Variants in TGIF1 observed in about 807,000 individuals in gnomAD.
TGIF1 encodes TGFB induced factor homeobox 1, also known as homeobox protein TGIF1.
A neutral mutation model predicts 19.3 loss-of-function variants in TGIF1; 4 were observed. That is an observed-to-expected ratio of 0.21 (90% CI 0.10 to 0.47). TGIF1 has a LOEUF of 0.47. TGIF1 is among the 20% of genes least tolerant of loss of function. TGIF1 has a pLI of 0.98. For synonymous variants in TGIF1, 122 were observed against 129.3 expected (o/e 0.94, Z 0.38); for missense variants, 275 against 341.4 (o/e 0.81, Z 1.53).
chr18:3,450,578 C>A, intron 1 of TGIF1, 73 bp downstream of exon 1: 2 of 1,548,858 alleles, frequency 1.3e-6, no homozygotes, highest in Non-Finnish European at 1.7e-6. Flanking sequence ...CCGCGCCGCG[C>A]GGAGTCACTT....
Position 3,456,067 on chromosome 18 carries a change from A to T in TGIF1, c.17-287A>T, listed in dbSNP as rs933847717. On this transcript the variant is annotated intron_variant, in intron 1 of 2. Transcript: ENST00000343820. This position sits in a 1 kb window ranked among gnomAD's most constrained non-coding sequence, Gnocchi z 4.2. Reference sequence around the variant, plus strand: ...GCAGTTTGTCTCCTCCAATGATTAGACGAAAGAGTTTTCTGACCATCATTC... The same window carrying T: ...GCAGTTTGTCTCCTCCAATGATTAGTCGAAAGAGTTTTCTGACCATCATTC... 1.3e-5 allele frequency: 6 copies of T among 465,874 alleles called. No individual in the cohort carries two copies. The highest frequency in any genetic ancestry group is 2.4e-5 in the Non-Finnish European group (6 of 252,368). 28.9% of individuals were successfully genotyped at this position (465,874 alleles called of 1,614,324 possible). A position where few individuals can be genotyped will look rare whatever the true frequency, so the allele number is the denominator to read the frequency against.
intron 1 of TGIF1, 42 bp downstream of exon 1, chr18:3,450,547 C>A: frequency 6.4e-7 from 1 of 1,554,588 alleles, no homozygotes; most frequent in Non-Finnish European, 8.7e-7. Flanking sequence ...GACGCGAGTC[C>A]GGGGAAACGT....
chr18:3,423,659 C>G (rs929941570), intron 2 of TGIF1, among the ~76,000 whole-genome samples: 1 of 151,420 alleles, frequency 6.6e-6, no homozygotes, highest in Non-Finnish European at 1.5e-5. Flanking sequence ...CTCCAGCCTG[C>G]ACAACAGAGC....
rs575875613 is a variant in TGIF1, at chr18:3,453,893, C to T, written c.17-2461C>T. ...AAGACGTTTGGAAACAAGTCTTAACCGGGAAACTTTTCAAAAGCGCTGTTA... is the reference window on the plus strand; with the variant it reads ...AAGACGTTTGGAAACAAGTCTTAACTGGGAAACTTTTCAAAAGCGCTGTTA... On this transcript the variant is annotated intron_variant, in intron 1 of 2. Coordinates refer to ENST00000343820, the MANE Select transcript of TGIF1 (RefSeq NM_003244.4). 4.0e-4 allele frequency: 384 copies of T among 962,086 alleles called. 5 individuals carry two copies. The African/African-American group carries it at 6.4e-3, about 16-fold the overall frequency. 59.6% of individuals were successfully genotyped at this position (962,086 alleles called of 1,614,324 possible).
At chr18:3,419,910 G>A (rs1348684343) in intron 2 of TGIF1, among the ~76,000 whole-genome samples, 1 of 150,910 alleles carries the variant, frequency 6.6e-6, no homozygotes, top group Non-Finnish European at 1.5e-5. Context: ...GGAGGCTGAG[G>A]CAGGAGAATC....
chr18:3,451,119 TC>T lies in TGIF1; in HGVS notation c.16+618del, dbSNP rs1276500155. ...CTTTGGAAAGCTAGACTTTTACAAA[TC>T]CCCAGTCTCTAAAAGTTTTCCCACG... On this transcript the variant is annotated intron_variant, in intron 1 of 2. Transcript: ENST00000343820. The surrounding 1 kb of genome is among the most constrained non-coding windows in gnomAD (Gnocchi z 5.4). Among the ~76,000 whole-genome samples, 1 of 151,432 alleles carries T rather than the reference TC, an allele frequency of 6.6e-6. No homozygotes were observed. Among genetic ancestry groups the T allele is most frequent in the Non-Finnish European group, 1.5e-5 (1 of 67,810 alleles).
intron 2 of TGIF1, among the ~76,000 whole-genome samples, chr18:3,424,416 A>G (rs2082443401): frequency 6.6e-6 from 1 of 152,174 alleles, no homozygotes; most frequent in Admixed American, 6.5e-5. Flanking sequence ...CAGGATCTGA[A>G]ACAGGAAATA....
intron 1 of TGIF1, among the ~76,000 whole-genome samples, chr18:3,414,452 C>T (rs974202420): frequency 4.6e-5 from 7 of 152,228 alleles, no homozygotes; most frequent in Non-Finnish European, 1.0e-4. Context: ...CACCTCCCTT[C>T]AGTTTTCTGG....
At chr18:3,422,833 G>A (rs574038933) in intron 2 of TGIF1, among the ~76,000 whole-genome samples, 1 of 151,860 alleles carries the variant, frequency 6.6e-6, no homozygotes, top group Non-Finnish European at 1.5e-5. Flanking sequence ...TGGGACTACA[G>A]GCACCCGCCA....
intron 2 of TGIF1, among the ~76,000 whole-genome samples, chr18:3,443,822 T>C (rs1056755204): frequency 6.6e-6 from 1 of 151,854 alleles, no homozygotes; most frequent in African/African-American, 2.4e-5. Flanking sequence ...CATGAGCCAC[T>C]GTACCTGGCC....
chr18:3,431,021 A>T (rs2082540441), intron 2 of TGIF1, among the ~76,000 whole-genome samples: 1 of 152,166 alleles, frequency 6.6e-6, no homozygotes. Context: ...TACGATATGA[A>T]CCTGGAACAT....
chr18:3,450,320 AGGAGCG>A lies in TGIF1; in HGVS notation c.-167_-162del. 6.9e-7 allele frequency: 1 copy of A among 1,454,384 alleles called. No individual in the cohort carries two copies. The highest frequency in any genetic ancestry group is 9.1e-7 in the Non-Finnish European group (1 of 1,101,870). The allele number at this position is 1,454,384 out of a possible 1,614,324, so 90.1% of individuals were successfully genotyped here. On this transcript the variant is annotated 5_prime_UTR_variant, in exon 1 of 3. Transcript: ENST00000343820. ...CCAAGTGTCACTTGAATTCCACCCA[AGGAGCG>A]GGCGCCTGGGATCAGAGCGTCCTGT... is the stretch of plus-strand genomic sequence containing the variant.
chr18:3,414,042 A>G (rs1424543617), intron 1 of TGIF1, among the ~76,000 whole-genome samples: 1 of 152,214 alleles, frequency 6.6e-6, no homozygotes, highest in African/African-American at 2.4e-5. Flanking sequence ...GCCTAAGGTC[A>G]CAGAGTTCAT....
At position 3,457,342 on chromosome 18, in the gene TGIF1, A is replaced by G. The variant is rs759145949; in HGVS notation, c.244-23A>G. 6.2e-7 allele frequency: 1 copy of G among 1,613,266 alleles called. No individual in the cohort carries two copies. Among genetic ancestry groups the G allele is most frequent in the African/African-American group, 1.3e-5 (1 of 74,928 alleles). ...TGGCTGAGTGAATGAGGAAAATGTT[A>G]AAGCGTACCGATATGATTTCAGGTC... is the stretch of plus-strand genomic sequence containing the variant. On this transcript the variant is annotated intron_variant, in intron 2 of 2. Coordinates refer to ENST00000343820, the MANE Select transcript of TGIF1 (RefSeq NM_003244.4). This position sits in a 1 kb window ranked among gnomAD's most constrained non-coding sequence, Gnocchi z 4.9.
At chr18:3,428,922 G>C (rs551140754) in intron 2 of TGIF1, among the ~76,000 whole-genome samples, 1 of 151,180 alleles carries the variant, frequency 6.6e-6, no homozygotes, top group African/African-American at 2.4e-5. Flanking sequence ...GCATGGCGGC[G>C]TGCCCCTGTA....
intron 2 of TGIF1, among the ~76,000 whole-genome samples, chr18:3,421,477 A>G (rs1215891386): frequency 6.6e-6 from 1 of 150,966 alleles, no homozygotes; most frequent in Non-Finnish European, 1.5e-5. Context: ...CAATGGCTTG[A>G]TCTTGGCTCA....
At chr18:3,449,777 G>A (rs2238538), upstream of TGIF1, 127,802 of 985,488 alleles carry the variant, frequency 0.13, 8,450 homozygotes, top group Non-Finnish European at 0.13. Context: ...ACGAGACGGG[G>A]AGGCTTTTCT....
At chr18:3,414,017 G>A (rs1327918655) in intron 1 of TGIF1, among the ~76,000 whole-genome samples, 1 of 151,528 alleles carries the variant, frequency 6.6e-6, no homozygotes, top group Non-Finnish European at 1.5e-5. Flanking sequence ...CAAACCCAGT[G>A]AGATGACATA....
Position 3,450,513 on chromosome 18 carries a change from G to T in TGIF1, c.16+8G>T. ...GAATGAAAGGCAAGAAAGGTAAGGCGGCCGCGGGCTGCGCGCACCAGAAGA... is the reference window on the plus strand; with the variant it reads ...GAATGAAAGGCAAGAAAGGTAAGGCTGCCGCGGGCTGCGCGCACCAGAAGA... On this transcript the variant is annotated splice_region_variant and intron_variant, in intron 1 of 2. Coordinates refer to ENST00000343820, the MANE Select transcript of TGIF1 (RefSeq NM_003244.4). 1 of 1,561,252 alleles carries T rather than the reference G, an allele frequency of 6.4e-7. No individual in the cohort carries two copies. The highest frequency in any genetic ancestry group is 8.7e-7 in the Non-Finnish European group (1 of 1,153,118).
Sources: gnomAD v4.1 joint callset for allele counts (sites outside exome capture counted in the v4.1 genomes callset) on GRCh38, gnomAD v4.1.1 for gene constraint, Gnocchi (gnomAD v3.1) non-coding constraint, MANE v1.5 for transcripts, NCBI Gene and HGNC (gene_info 2026-07-23, HGNC 2026-07-21) for gene names.